Variants in MBP observed in about 807,000 individuals in gnomAD.
MBP encodes Golli-MBP.
In MBP, 16 loss-of-function variants were observed where a neutral mutation model predicts 35.8. The observed-to-expected ratio is 0.45, with a 90% CI of 0.30 to 0.68. MBP has a LOEUF of 0.68. Ranked by LOEUF, MBP falls within the 30% of genes least tolerant of loss-of-function variation. MBP has a pLI of 0.08. For missense variants in MBP, 380 were observed against 404.7 expected, an observed-to-expected ratio of 0.94 and a Z score of 0.52; for synonymous variants, 143 against 159.6, an observed-to-expected ratio of 0.90 and a Z score of 0.78.
intron 2 of MBP, among the ~76,000 whole-genome samples, chr18:77,088,708 T>A (rs1350559323): frequency 2.6e-5 from 4 of 152,032 alleles, no homozygotes; most frequent in Admixed American, 6.5e-5. Flanking sequence ...GATAAAAAAA[T>A]TTTTTTTGAA....
chr18:77,032,626 C>T (rs545838459), intron 3 of MBP, among the ~76,000 whole-genome samples: 6 of 152,324 alleles, frequency 3.9e-5, no homozygotes, highest in Admixed American at 6.5e-5. Flanking sequence ...TCCTTCAGCG[C>T]GGTGACAGTC....
chr18:77,130,960 A>C (rs1208315895), intron 1 of MBP, among the ~76,000 whole-genome samples: 1 of 150,472 alleles, frequency 6.6e-6, no homozygotes, highest in East Asian at 2.0e-4. Context: ...ACTCCCTGGG[A>C]GTTACTCCAG....
At chr18:77,126,538 C>T (rs538302371) in intron 1 of MBP, among the ~76,000 whole-genome samples, 2 of 152,014 alleles carry the variant, frequency 1.3e-5, no homozygotes, top group Admixed American at 6.5e-5. Context: ...CTAACCAGTA[C>T]GGTAAGATAA....
intron 2 of MBP, among the ~76,000 whole-genome samples, chr18:77,099,206 C>T (rs764402231): frequency 8.5e-5 from 13 of 152,164 alleles, no homozygotes; most frequent in Non-Finnish European, 1.5e-4. Flanking sequence ...AACTGCATGA[C>T]GTACACTATA....
chr18:77,068,777 C>A (rs1974311724), intron 2 of MBP, among the ~76,000 whole-genome samples: 1 of 152,146 alleles, frequency 6.6e-6, no homozygotes, highest in Non-Finnish European at 1.5e-5. Flanking sequence ...CAGAGAAATA[C>A]AGAGCGAAAC....
At chr18:77,072,273 A>C (rs1033220496) in intron 2 of MBP, among the ~76,000 whole-genome samples, 1 of 152,108 alleles carries the variant, frequency 6.6e-6, no homozygotes, top group Non-Finnish European at 1.5e-5. Context: ...TTCAGAGGGG[A>C]TGCTACTAAA....
intron 4 of MBP, among the ~76,000 whole-genome samples, chr18:76,998,949 G>C (rs1411856535): frequency 1.3e-5 from 2 of 151,786 alleles, no homozygotes; most frequent in Non-Finnish European, 2.9e-5. Flanking sequence ...GGTGTCAGCG[G>C]ATTTTAAGAG....
At chr18:77,119,513 A>G (rs948387889) in intron 1 of MBP, among the ~76,000 whole-genome samples, 3 of 152,142 alleles carry the variant, frequency 2.0e-5, no homozygotes, top group African/African-American at 7.2e-5. Flanking sequence ...CACACAGCAC[A>G]CAGTAGGCAC....
intron 1 of MBP, among the ~76,000 whole-genome samples, chr18:77,123,814 C>A (rs568762729): frequency 6.6e-6 from 1 of 152,330 alleles, no homozygotes; most frequent in Admixed American, 6.5e-5. Flanking sequence ...CTAAACTGAT[C>A]CAGGTAGCTT....
Position 77,081,784 on chromosome 18 carries a change from A to G in MBP, c.52-15399T>C, listed in dbSNP as rs1568329856. On this transcript the variant is annotated intron_variant, in intron 2 of 8. Transcript: ENST00000355994. ...TATATATATACACACACACACACAC[A>G]CACACACACGTATATATATATGCAC... Among the ~76,000 whole-genome samples, 995 of 149,622 alleles carry G rather than the reference A, an allele frequency of 6.7e-3. 15 individuals carry two copies. The highest frequency in any genetic ancestry group is 0.023 in the African/African-American group (944 of 40,628).
intron 4 of MBP, among the ~76,000 whole-genome samples, chr18:76,991,937 G>A (rs1023452862): frequency 4.6e-5 from 7 of 152,218 alleles, no homozygotes; most frequent in African/African-American, 9.6e-5. Context: ...GGTAGTGCAC[G>A]GAATGGTGGA....
chr18:77,023,189 T>G (rs1361759190), intron 3 of MBP, among the ~76,000 whole-genome samples: 1 of 152,188 alleles, frequency 6.6e-6, no homozygotes, highest in African/African-American at 2.4e-5. Flanking sequence ...GAGTGGTTTC[T>G]GAGGCACAGA....
Position 77,131,996 on chromosome 18 carries a change from G to A in MBP, c.-26+584C>T, listed in dbSNP as rs1200281280. Among the ~76,000 whole-genome samples, 1 of 152,182 alleles carries A rather than the reference G, an allele frequency of 6.6e-6. No individual in the cohort carries two copies. Among genetic ancestry groups the A allele is most frequent in the Non-Finnish European group, 1.5e-5 (1 of 68,014 alleles). ...AGAGGGAGACTGCGCTTCGCCCCGG[G>A]GGCAGGGGCAGGAGCGCGATCGCGC... On this transcript the variant is annotated intron_variant, in intron 1 of 8. Coordinates refer to ENST00000355994, the MANE Select transcript of MBP (RefSeq NM_001025101.2). The surrounding 1 kb of genome is among the most constrained non-coding windows in gnomAD (Gnocchi z 5.5).
intron 4 of MBP, among the ~76,000 whole-genome samples, chr18:76,991,108 C>T (rs115483025): frequency 0.014 from 2,167 of 152,290 alleles, 66 homozygotes; most frequent in African/African-American, 0.05. Context: ...AGCTCATGGG[C>T]TTTGACGCGG....
At chr18:77,124,112 G>A (rs570131181) in intron 1 of MBP, among the ~76,000 whole-genome samples, 23 of 152,142 alleles carry the variant, frequency 1.5e-4, no homozygotes, top group Non-Finnish European at 2.6e-4. Context: ...TGCCCCAAAA[G>A]ACGGGCCGCA....
At chr18:76,992,524 G>A (rs562573884) in intron 4 of MBP, among the ~76,000 whole-genome samples, 3 of 152,234 alleles carry the variant, frequency 2.0e-5, no homozygotes, top group African/African-American at 7.2e-5. Flanking sequence ...ACTACTAACA[G>A]CTCCCCTGCT....
chr18:77,044,215 A>G lies in MBP; in HGVS notation c.139+22083T>C, dbSNP rs1443968462. On this transcript the variant is annotated intron_variant, in intron 3 of 8. Transcript: ENST00000355994. The surrounding 1 kb of genome is among the most constrained non-coding windows in gnomAD (Gnocchi z 4.4). ...ATCACCTGCTTGTGAACTCCTGACC[A>G]CAGCAGCCTACTCCATGTCCCCCTG... Among the ~76,000 whole-genome samples the G allele has an allele frequency of 1.3e-5, 2 of 151,960 alleles. No individual in the cohort carries two copies. The highest frequency in any genetic ancestry group is 4.8e-5 in the African/African-American group (2 of 41,352).
chr18:77,014,105 C>T, intron 4 of MBP: 1 of 985,478 alleles, frequency 1.0e-6, no homozygotes, highest in South Asian at 4.7e-5. Flanking sequence ...CCTCTCACAA[C>T]AAAGGAGCAT....
At chr18:76,994,640 T>C (rs1187317235) in intron 4 of MBP, among the ~76,000 whole-genome samples, 1 of 152,244 alleles carries the variant, frequency 6.6e-6, no homozygotes, top group Non-Finnish European at 1.5e-5. Flanking sequence ...AAAGGTAGTT[T>C]AAATCTTTTA....
Sources: allele counts gnomAD v4.1 joint callset (sites outside exome capture counted in the v4.1 genomes callset), GRCh38; gene constraint gnomAD v4.1.1; non-coding constraint Gnocchi (gnomAD v3.1); transcripts MANE v1.5; gene names NCBI Gene and HGNC (gene_info 2026-07-23, HGNC 2026-07-21).